SAP130: variants seen among roughly 807,000 people sequenced by gnomAD.
SAP130 encodes histone deacetylase complex subunit SAP130.
SAP130 carries 16 observed loss-of-function variants against 103.2 expected under a neutral mutation model. The ratio of observed to expected loss-of-function variants is 0.16; its 90% CI spans 0.10 to 0.24. SAP130 has a LOEUF of 0.24. SAP130 is among the 10% of genes least tolerant of loss of function. SAP130 has a pLI of 1.00. For synonymous variants in SAP130, 477 were observed against 497.0 expected, an observed-to-expected ratio of 0.96 and a Z score of 0.53; for missense variants, 990 against 1,359.7, an observed-to-expected ratio of 0.73 and a Z score of 4.28.
chr2:127,955,414 G>T lies in SAP130; in HGVS notation c.2064-70C>A. On this transcript the variant is annotated intron_variant, in intron 15 of 20. Transcript: ENST00000643581. This position sits in a 1 kb window ranked among gnomAD's most constrained non-coding sequence, Gnocchi z 4.9. Reference sequence around the variant, plus strand: ...TGCCTTCATCTACAACATCTCAGAGGATGAGTATTTGTCCAATTATTTCTG... The same window carrying T: ...TGCCTTCATCTACAACATCTCAGAGTATGAGTATTTGTCCAATTATTTCTG... 1 of 942,898 alleles carries T rather than the reference G, an allele frequency of 1.1e-6. No individual in the cohort carries two copies. Among genetic ancestry groups the T allele is most frequent in the East Asian group, 2.5e-5 (1 of 40,586 alleles). The allele number at this position is 942,898 out of a possible 1,614,324, so 58.4% of individuals were successfully genotyped here.
At chr2:127,993,924 G>A (rs1682989218) in intron 11 of SAP130, among the ~76,000 whole-genome samples, 1 of 152,084 alleles carries the variant, frequency 6.6e-6, no homozygotes, top group Admixed American at 6.6e-5. Context: ...CTGGCTCCTA[G>A]TTTAGTTTTT....
At chr2:127,961,975 C>A (rs1383987347) in intron 15 of SAP130, among the ~76,000 whole-genome samples, 2 of 152,122 alleles carry the variant, frequency 1.3e-5, no homozygotes, top group East Asian at 3.8e-4. Context: ...CCAACTCTGG[C>A]GTGTTAGCTC....
intron 7 of SAP130, among the ~76,000 whole-genome samples, chr2:128,003,342 A>C (rs1298453076): frequency 6.6e-6 from 1 of 151,730 alleles, no homozygotes; most frequent in Non-Finnish European, 1.5e-5. Flanking sequence ...CCCAGTCTCT[A>C]TGAAAAATAA....
At chr2:127,964,118 C>T (rs956714612) in intron 15 of SAP130, among the ~76,000 whole-genome samples, 4 of 152,170 alleles carry the variant, frequency 2.6e-5, no homozygotes, top group South Asian at 2.1e-4. Flanking sequence ...TGACCTGAGC[C>T]GAGGAGTTCA....
chr2:127,965,476 C>CA (rs1055067140), intron 15 of SAP130, among the ~76,000 whole-genome samples: 5 of 150,918 alleles, frequency 3.3e-5, no homozygotes, highest in African/African-American at 1.2e-4. Flanking sequence ...GTCTCAAAAA[C>CA]AAAAAAAGTG....
chr2:128,019,266 ATT>A (rs1210063806), intron 2 of SAP130, among the ~76,000 whole-genome samples: 2 of 150,042 alleles, frequency 1.3e-5, no homozygotes, highest in African/African-American at 4.8e-5. Flanking sequence ...ATTTTTTTTA[ATT>A]AAAAAAAATT....
At position 127,955,204 on chromosome 2, in the gene SAP130, G is replaced by C; in HGVS notation, c.2204C>G (p.Thr735Ser). Residue 735 changes from threonine to serine, a missense_variant, in exon 16 of 21, where the codon ACT becomes AGT. Around this residue, in one of 6 missense-constraint regions of SAP130, gnomAD observed 349 missense variants for 384.1 expected, o/e 0.91. Transcript: ENST00000643581. This position sits in a 1 kb window ranked among gnomAD's most constrained non-coding sequence, Gnocchi z 4.9. The part of the protein sequence containing the change: ...TAQQPPPTIP[T>S]MIAAASPPSQ... ...CGGGGGACTGGCTGCTGCAATCATAGTTGGAATGGTCGGTGGGGGCTGCTG... is the reference window on the plus strand; with the variant it reads ...CGGGGGACTGGCTGCTGCAATCATACTTGGAATGGTCGGTGGGGGCTGCTG... The C allele has an allele frequency of 2.5e-6, 4 of 1,614,154 alleles. No individual in the cohort carries two copies. Among genetic ancestry groups the C allele is most frequent in the South Asian group, 1.1e-5 (1 of 91,082 alleles).
intron 5 of SAP130, among the ~76,000 whole-genome samples, chr2:128,014,047 T>C (rs990857560): frequency 6.6e-6 from 1 of 152,196 alleles, no homozygotes; most frequent in Non-Finnish European, 1.5e-5. Flanking sequence ...AGTCTAATAA[T>C]AAAGACCATG....
chr2:127,953,838 C>T lies in SAP130; in HGVS notation c.2422+1148G>A, dbSNP rs75677042. On this transcript the variant is annotated intron_variant, in intron 16 of 20. Transcript: ENST00000643581. The surrounding 1 kb of genome is among the most constrained non-coding windows in gnomAD (Gnocchi z 4.0). ...GCTACAGCTTTCCTTATATTTTGTC[C>T]CTGCTTTGTTTCTCCATAGAACTTA... 3.3e-3 allele frequency among the ~76,000 whole-genome samples: 500 copies of T among 152,226 alleles called. 24 individuals are homozygous for T. In the East Asian group the frequency reaches 0.088, roughly 27 times the overall value.
At position 127,979,490 on chromosome 2, in the gene SAP130, GA is replaced by G. The variant is rs869027951; in HGVS notation, c.1959-1402del. Among the ~76,000 whole-genome samples, 49 of 76,750 alleles carry G rather than the reference GA, an allele frequency of 6.4e-4. 1 individual carries two copies. The highest frequency in any genetic ancestry group is 1.7e-3 in the African/African-American group (47 of 28,404). The allele number at this position is 76,750 out of a possible 152,430, so 50.4% of individuals were successfully genotyped here. A position where few individuals can be genotyped will look rare whatever the true frequency, so the allele number is the denominator to read the frequency against. On this transcript the variant is annotated intron_variant, in intron 14 of 20. Coordinates refer to ENST00000643581, the MANE Select transcript of SAP130 (RefSeq NM_001330301.2). The stretch of plus-strand genomic sequence containing the variant: ...AGTTTCTTCAACAAATAAACTGCAG[GA>G]AAAAAAAAAGATAGAGGAAACCTCG...
rs930978386 is a variant in SAP130, at chr2:127,978,155, G to A, written c.1959-66C>T. 7 of 1,198,712 alleles carry A rather than the reference G, an allele frequency of 5.8e-6. No individual in the cohort carries two copies. The Admixed American group carries it at 5.9e-5, about 10-fold the overall frequency. The allele number at this position is 1,198,712 out of a possible 1,614,324, so 74.3% of individuals were successfully genotyped here. On this transcript the variant is annotated intron_variant, in intron 14 of 20. Transcript: ENST00000643581. ...AGGGCATTCAAGGCTAAGAAATACA[G>A]GATGCACATTTGCCAGGCATACCTA... is the stretch of plus-strand genomic sequence containing the variant.
chr2:127,986,997 G>A lies in SAP130; in HGVS notation c.1781-35C>T. On this transcript the variant is annotated intron_variant, in intron 13 of 20. Transcript: ENST00000643581. The surrounding 1 kb of genome is among the most constrained non-coding windows in gnomAD (Gnocchi z 4.7). Reference sequence around the variant, plus strand: ...AGAGGCAACAGGAAAGAACATTGAAGAGAGGGAAACAAAATGCCATAGAAG... The same window carrying A: ...AGAGGCAACAGGAAAGAACATTGAAAAGAGGGAAACAAAATGCCATAGAAG... 1 of 1,577,484 alleles carries A rather than the reference G, an allele frequency of 6.3e-7. No homozygotes were observed. The highest frequency in any genetic ancestry group is 8.7e-7 in the Non-Finnish European group (1 of 1,151,872).
chr2:127,993,103 C>CA (rs1156550624), intron 12 of SAP130, 84 bp downstream of exon 12: 2 of 1,492,202 alleles, frequency 1.3e-6, no homozygotes, highest in Non-Finnish European at 1.9e-6. Flanking sequence ...TAATCTCATA[C>CA]AAAAAATAAC....
At chr2:128,010,440 A>G (rs748766056) in intron 6 of SAP130, 47 bp from the exon 7 acceptor site, 2 of 1,571,076 alleles carry the variant, frequency 1.3e-6, no homozygotes, top group Non-Finnish European at 1.7e-6. Context: ...AATAAAATAG[A>G]GGAAGTCAAA....
chr2:128,026,435 C>A (rs1201092972), intron 1 of SAP130, 137 bp from the exon 2 acceptor site: 13 of 619,642 alleles, frequency 2.1e-5, no homozygotes, highest in African/African-American at 3.7e-5. Context: ...AAAACAATAA[C>A]TTGGGATCAA....
chr2:127,981,561 T>C (rs373030563), intron 14 of SAP130, among the ~76,000 whole-genome samples: 10 of 4,586 alleles, frequency 2.2e-3, no homozygotes, highest in Admixed American at 6.5e-3. Flanking sequence ...CCTGCACCCC[T>C]GACTCAGCTC....
At chr2:127,995,622 T>TA (rs556376861) in intron 11 of SAP130, among the ~76,000 whole-genome samples, 78 of 152,370 alleles carry the variant, frequency 5.1e-4, no homozygotes, top group African/African-American at 1.7e-3. Flanking sequence ...ATCATATTAA[T>TA]AATTGATTCA....
chr2:127,961,516 G>A (rs1479253183), intron 15 of SAP130, among the ~76,000 whole-genome samples: 1 of 61,950 alleles, frequency 1.6e-5, no homozygotes, highest in Non-Finnish European at 3.5e-5. Context: ...CTCATACCTT[G>A]CTTTTTTTTT....
intron 7 of SAP130, among the ~76,000 whole-genome samples, chr2:128,004,862 A>G (rs1683845393): frequency 6.6e-6 from 1 of 152,212 alleles, no homozygotes; most frequent in Non-Finnish European, 1.5e-5. Context: ...TGGAAAATTT[A>G]TCCAAACCCA....
Sources: gnomAD v4.1 joint callset for allele counts (sites outside exome capture counted in the v4.1 genomes callset) on GRCh38, gnomAD v4.1.1 for gene constraint, gnomAD v4.1.1 regional missense constraint, Gnocchi (gnomAD v3.1) non-coding constraint, MANE v1.5 for transcripts, NCBI Gene and HGNC (gene_info 2026-07-23, HGNC 2026-07-21) for gene names.